The following TPH2 variants were observed in gnomAD, a reference collection of about 807,000 sequenced individuals.
The protein encoded by TPH2 is tryptophan 5-hydroxylase 2.
A neutral mutation model predicts 59.1 loss-of-function variants in TPH2; 27 were observed. The observed-to-expected ratio is 0.46, with a 90% CI of 0.34 to 0.63. TPH2 has a LOEUF of 0.63. Ranked by LOEUF, TPH2 falls within the 30% of genes least tolerant of loss-of-function variation. The pLI is 0.01. For synonymous variants in TPH2, 220 were observed against 210.5 expected (o/e 1.05, Z -0.39); for missense variants, 523 against 588.3 (o/e 0.89, Z 1.15).
At chr12:71,958,845 G>A (rs1871592512) in intron 5 of TPH2, among the ~76,000 whole-genome samples, 1 of 152,146 alleles carries the variant, frequency 6.6e-6, no homozygotes, top group Admixed American at 6.5e-5. Context: ...TTTGCTCTGA[G>A]TGTAAGTACA....
chr12:71,984,651 CAT>C (rs1192162271), intron 7 of TPH2, among the ~76,000 whole-genome samples: 1 of 152,232 alleles, frequency 6.6e-6, no homozygotes, highest in Non-Finnish European at 1.5e-5. Context: ...TCCCATGGGA[CAT>C]GTGAGCTTGG....
chr12:71,979,432 G>A (rs528583638), intron 7 of TPH2, among the ~76,000 whole-genome samples: 2 of 152,274 alleles, frequency 1.3e-5, no homozygotes, highest in Admixed American at 6.5e-5. Flanking sequence ...TCATTAGGAG[G>A]CCTCTTTCAT....
intron 8 of TPH2, among the ~76,000 whole-genome samples, chr12:72,014,917 C>T (rs1873200677): frequency 6.6e-6 from 1 of 152,192 alleles, no homozygotes; most frequent in Non-Finnish European, 1.5e-5. Context: ...AATGCAGCCT[C>T]TGTTTTCACT....
chr12:71,985,235 G>A (rs553190772), intron 7 of TPH2, among the ~76,000 whole-genome samples: 16 of 152,234 alleles, frequency 1.1e-4, no homozygotes, highest in African/African-American at 3.9e-4. Flanking sequence ...AACTTCAGGA[G>A]TAATGCCAGC....
Position 71,941,651 on chromosome 12 carries a change from C to T in TPH2, c.173C>T (p.Ala58Val), listed in dbSNP as rs773014428. 4 of 1,613,966 alleles carry T rather than the reference C, an allele frequency of 2.5e-6. No homozygotes were observed. Among genetic ancestry groups the T allele is most frequent in the Middle Eastern group, 1.6e-4 (1 of 6,084 alleles). Residue 58 changes from alanine to valine, a missense_variant, in exon 2 of 11, where the codon GCT becomes GTT. Physicochemically the swap from Ala to Val is moderately conservative, Grantham distance 64. Transcript: ENST00000333850. ...AAGGGAAGCAGCAAACGTGAAGCTG[C>T]TACCGAAAGTGGCAAGACAGCAGTT... ...GNKGSSKREA[A>V]TESGKTAVVF... is the part of the protein sequence containing the mutation.
chr12:71,947,931 G>C (rs972657121), intron 4 of TPH2, among the ~76,000 whole-genome samples: 4 of 152,150 alleles, frequency 2.6e-5, no homozygotes, highest in African/African-American at 9.7e-5. Flanking sequence ...GGCAGGAACC[G>C]GGGAACAGAT....
At chr12:71,973,215 T>C (rs1025063574) in intron 6 of TPH2, among the ~76,000 whole-genome samples, 1 of 152,158 alleles carries the variant, frequency 6.6e-6, no homozygotes, top group Non-Finnish European at 1.5e-5. Flanking sequence ...CTGAGACTTA[T>C]TGGGCTGCAT....
At chr12:72,009,408 T>G (rs1398065521) in intron 8 of TPH2, among the ~76,000 whole-genome samples, 2 of 152,216 alleles carry the variant, frequency 1.3e-5, no homozygotes, top group African/African-American at 4.8e-5. Flanking sequence ...TCACTATCCT[T>G]TACCAAATTA....
At chr12:71,944,835 A>T in intron 4 of TPH2, 149 bp downstream of exon 4, 1 of 805,136 alleles carries the variant, frequency 1.2e-6, no homozygotes, top group South Asian at 1.5e-5. Context: ...CAAATGATAA[A>T]GCTTCCCTGT....
intron 9 of TPH2, 71 bp from the exon 10 acceptor site, chr12:72,031,187 A>G (rs1173682608): frequency 1.3e-6 from 2 of 1,599,618 alleles, no homozygotes; most frequent in Non-Finnish European, 1.7e-6. Flanking sequence ...AATGTGTTGT[A>G]AAAATGTGAT....
chr12:71,947,691 T>C (rs1871232191), intron 4 of TPH2, among the ~76,000 whole-genome samples: 1 of 152,180 alleles, frequency 6.6e-6, no homozygotes, highest in African/African-American at 2.4e-5. Context: ...CTGTCACTAC[T>C]AGTGCAGCTA....
chr12:71,968,376 C>T (rs1027137796), intron 5 of TPH2, among the ~76,000 whole-genome samples: 5 of 152,316 alleles, frequency 3.3e-5, no homozygotes, highest in Non-Finnish European at 5.9e-5. Flanking sequence ...TTCCATCTTT[C>T]TCGCAGGCAC....
chr12:71,954,732 A>T (rs947170785), intron 5 of TPH2, among the ~76,000 whole-genome samples: 1 of 152,252 alleles, frequency 6.6e-6, no homozygotes, highest in Non-Finnish European at 1.5e-5. Context: ...TTGTTGGGGG[A>T]ACAATCAGTG....
chr12:71,958,374 C>T lies in TPH2; in HGVS notation c.608+8719C>T, dbSNP rs78081620. On this transcript the variant is annotated intron_variant, in intron 5 of 10. Transcript: ENST00000333850. ...AGTGGCTTCAGCAACTTCCACTTGA[C>T]ATAGGTGGTTTCATACACAAGTTGG... 8.2e-3 allele frequency among the ~76,000 whole-genome samples: 1,255 copies of T among 152,280 alleles called. 13 individuals carry two copies. Among genetic ancestry groups the T allele is most frequent in the African/African-American group, 0.027 (1,118 of 41,542 alleles).
chr12:71,973,596 C>G (rs1872035008), intron 6 of TPH2, among the ~76,000 whole-genome samples: 1 of 152,110 alleles, frequency 6.6e-6, no homozygotes, highest in Non-Finnish European at 1.5e-5. Context: ...AAGAAGTAAC[C>G]ATAAAAATGG....
chr12:71,962,113 G>A (rs981589671), intron 5 of TPH2: 31 of 992,648 alleles, frequency 3.1e-5, no homozygotes, highest in African/African-American at 1.6e-4. Context: ...ACTCTATGGC[G>A]TGGCTTAGCA....
intron 8 of TPH2, among the ~76,000 whole-genome samples, chr12:72,015,477 G>A (rs1426939794): frequency 3.3e-5 from 5 of 151,656 alleles, no homozygotes; most frequent in Non-Finnish European, 5.9e-5. Flanking sequence ...CCACCACCAC[G>A]CCCAGCTAAT....
chr12:72,000,024 T>C (rs1872783026), intron 8 of TPH2, among the ~76,000 whole-genome samples: 1 of 152,212 alleles, frequency 6.6e-6, no homozygotes. Context: ...CTTTGAGTCA[T>C]AACTTTAAAC....
chr12:71,972,879 G>A (rs1872013606), intron 6 of TPH2, among the ~76,000 whole-genome samples, 164 bp downstream of exon 6: 2 of 152,168 alleles, frequency 1.3e-5, no homozygotes, highest in Admixed American at 1.3e-4. Context: ...GGGAAGCAGA[G>A]CAAGGGACTC....
Sources: gnomAD v4.1 joint callset for allele counts (sites outside exome capture counted in the v4.1 genomes callset) on GRCh38, gnomAD v4.1.1 for gene constraint, MANE v1.5 for transcripts, NCBI Gene and HGNC (gene_info 2026-07-23, HGNC 2026-07-21) for gene names.